RBFOX1: variants seen among roughly 807,000 people sequenced by gnomAD.
The protein encoded by RBFOX1 is RNA binding fox-1 homolog 1, also known as RNA binding protein fox-1 homolog 1.
Under a neutral mutation model 57.7 loss-of-function variants are expected in RBFOX1, and 8 were observed. The ratio of observed to expected loss-of-function variants is 0.14; its 90% confidence interval spans 0.08 to 0.25. The LOEUF is 0.25. Among genes scored for constraint, RBFOX1 ranks in the 10% least tolerant of loss-of-function variants. The pLI, the probability that RBFOX1 is intolerant of heterozygous loss-of-function variation, is 1.00. For missense variants in RBFOX1, 611 were observed against 548.5 expected (o/e 1.11, Z -1.14); for synonymous variants, 326 against 222.4 (o/e 1.47, Z -4.15).
At chr16:6,177,723 A>G (rs1420285489) in intron 1 of RBFOX1, among the ~76,000 whole-genome samples, 2 of 152,162 alleles carry the variant, frequency 1.3e-5, no homozygotes, top group East Asian at 3.9e-4. Flanking sequence ...TATTTTGAAT[A>G]TCATGAGAGT....
chr16:6,174,167 C>T (rs1359275574), intron 1 of RBFOX1, among the ~76,000 whole-genome samples: 1 of 152,192 alleles, frequency 6.6e-6, no homozygotes, highest in Non-Finnish European at 1.5e-5. Flanking sequence ...GTTGGGTACA[C>T]TTTGCCTTTA....
chr16:5,325,616 C>G (rs962199589), intron 1 of RBFOX1, among the ~76,000 whole-genome samples: 1 of 152,148 alleles, frequency 6.6e-6, no homozygotes. Flanking sequence ...CACTGATGAT[C>G]CACTCATCTG....
chr16:6,905,631 A>T (rs553475705), intron 3 of RBFOX1, among the ~76,000 whole-genome samples: 1 of 151,942 alleles, frequency 6.6e-6, no homozygotes, highest in African/African-American at 2.4e-5. Context: ...GTTTATTCCA[A>T]TTTTCCCCGT....
chr16:5,812,569 C>T (rs75473311), intron 3 of RBFOX1, among the ~76,000 whole-genome samples: 8,705 of 150,962 alleles, frequency 0.058, 276 homozygotes, highest in African/African-American at 0.087. Flanking sequence ...GGGGGATCTT[C>T]TCCCCTTAGC....
intron 4 of RBFOX1, among the ~76,000 whole-genome samples, chr16:7,359,961 G>T (rs1259751985): frequency 6.7e-6 from 1 of 148,906 alleles, no homozygotes. Flanking sequence ...TCCAGCCTGG[G>T]TGACAGAGCG....
In RBFOX1 at chr16:7,326,078, C is replaced by G. The variant is rs897697551; in HGVS notation, c.28-192069C>G. On this transcript the variant is annotated intron_variant, in intron 4 of 15. Transcript: ENST00000550418. The stretch of plus-strand genomic sequence containing the variant: ...ACACATTCTGTTGTTTAACCTTGGA[C>G]AAGTCACTTGGACTCCCTGCGCCTC... 2.0e-4 allele frequency among the ~76,000 whole-genome samples: 30 copies of G among 152,278 alleles called. 1 individual carries two copies. Among genetic ancestry groups the G allele is most frequent in the African/African-American group, 7.2e-4 (30 of 41,564 alleles).
rs566342870 is a variant in RBFOX1, at chr16:6,318,627, T to C, written c.-64+1570T>C. On this transcript the variant is annotated intron_variant, in intron 2 of 15. Coordinates refer to ENST00000550418, the MANE Select transcript of RBFOX1 (RefSeq NM_018723.4). ...AGAAATTCCTGTTCCAACCCTGCACTGGGATTGAAACTTTTAACCTAAGGG... is the reference window on the plus strand; with the variant it reads ...AGAAATTCCTGTTCCAACCCTGCACCGGGATTGAAACTTTTAACCTAAGGG... Among the ~76,000 whole-genome samples, 4 of 152,238 alleles carry C rather than the reference T, an allele frequency of 2.6e-5. No individual in the cohort carries two copies. The East Asian group carries it at 7.8e-4, about 30-fold the overall frequency.
intron 4 of RBFOX1, among the ~76,000 whole-genome samples, chr16:7,504,787 T>TTATATATATATA (rs1230576283): frequency 1.1e-4 from 1 of 9,370 alleles, no homozygotes; most frequent in African/African-American, 3.7e-4. Flanking sequence ...ATATATATAT[T>TTATATATATATA]TATATATATA....
intron 3 of RBFOX1, among the ~76,000 whole-genome samples, chr16:7,024,263 C>G (rs1257264986): frequency 6.6e-6 from 1 of 152,132 alleles, no homozygotes; most frequent in Non-Finnish European, 1.5e-5. Flanking sequence ...TGCACAGAGA[C>G]ATGGTGGCTT....
intron 2 of RBFOX1, among the ~76,000 whole-genome samples, chr16:6,460,867 A>G (rs530172520): frequency 4.6e-4 from 70 of 151,772 alleles, no homozygotes; most frequent in African/African-American, 1.6e-3. Flanking sequence ...ATGCCCATCA[A>G]TGATAGACTG....
chr16:6,278,377 CAAAAAAAAAAAAA>C (rs57523660), intron 1 of RBFOX1, among the ~76,000 whole-genome samples: 927 of 27,908 alleles, frequency 0.033, 4 homozygotes, highest in South Asian at 0.057. Context: ...TAGGACTCAC[CAAAAAAAAAAAAA>C]AAAAAAAAAA....
intron 2 of RBFOX1, among the ~76,000 whole-genome samples, chr16:5,502,525 G>T (rs1365958962): frequency 6.6e-6 from 1 of 152,174 alleles, no homozygotes; most frequent in Admixed American, 6.5e-5. Context: ...CTGGAGACCT[G>T]CCTTTTGTTG....
intron 4 of RBFOX1, among the ~76,000 whole-genome samples, chr16:7,476,947 C>T (rs536800644): frequency 6.6e-6 from 1 of 152,188 alleles, no homozygotes; most frequent in Non-Finnish European, 1.5e-5. Context: ...CTCATCCTCA[C>T]CCCTCCATCA....
At chr16:6,661,958 G>T (rs973458688) in intron 3 of RBFOX1, among the ~76,000 whole-genome samples, 2 of 152,158 alleles carry the variant, frequency 1.3e-5, no homozygotes, top group Non-Finnish European at 2.9e-5. Flanking sequence ...CCATTGAAAC[G>T]AAGGGAAATC....
chr16:6,773,379 T>C (rs1044358994), intron 3 of RBFOX1, among the ~76,000 whole-genome samples: 1 of 150,048 alleles, frequency 6.7e-6, no homozygotes, highest in African/African-American at 2.5e-5. Context: ...TGTGTGTGTG[T>C]GGGCGTGGGG....
intron 4 of RBFOX1, among the ~76,000 whole-genome samples, chr16:7,223,635 A>G (rs998274341): frequency 2.0e-5 from 3 of 149,782 alleles, no homozygotes; most frequent in African/African-American, 4.9e-5. Context: ...GCATTATGCT[A>G]TTTATTTCAG....
chr16:5,849,160 C>G (rs1276977418), intron 3 of RBFOX1, among the ~76,000 whole-genome samples: 3 of 151,840 alleles, frequency 2.0e-5, no homozygotes, highest in African/African-American at 7.3e-5. Flanking sequence ...TTGCATTGAA[C>G]TCATATTTCT....
At chr16:6,447,731 C>G (rs1488729934) in intron 2 of RBFOX1, among the ~76,000 whole-genome samples, 3 of 152,132 alleles carry the variant, frequency 2.0e-5, no homozygotes, top group Non-Finnish European at 4.4e-5. Flanking sequence ...TATGCCACAC[C>G]AAATGCTGCT....
At chr16:7,464,805 T>G (rs2060209934) in intron 4 of RBFOX1, among the ~76,000 whole-genome samples, 1 of 142,024 alleles carries the variant, frequency 7.0e-6, no homozygotes, top group African/African-American at 2.6e-5. Flanking sequence ...CACGCCATTC[T>G]CCTGCCTCAG....
Sources: gnomAD v4.1 joint callset for allele counts (sites outside exome capture counted in the v4.1 genomes callset) on GRCh38, gnomAD v4.1.1 for gene constraint, MANE v1.5 for transcripts, NCBI Gene and HGNC (gene_info 2026-07-23, HGNC 2026-07-21) for gene names.